Variants in SFSWAP observed in about 807,000 individuals in gnomAD.
SFSWAP encodes splicing factor SWAP, also known as splicing factor, suppressor of white-apricot homolog.
In SFSWAP, 17 loss-of-function variants were observed where a neutral mutation model predicts 100.7. The observed-to-expected ratio is 0.17, with a 90% CI of 0.12 to 0.25. SFSWAP has a LOEUF of 0.25. Among genes scored for constraint, SFSWAP ranks in the 10% least tolerant of loss-of-function variants. SFSWAP has a pLI of 1.00. For missense variants in SFSWAP, 1,005 were observed against 1,262.6 expected, an observed-to-expected ratio of 0.80 and a Z score of 3.09; for synonymous variants, 504 against 510.1, an observed-to-expected ratio of 0.99 and a Z score of 0.16.
intron 14 of SFSWAP, among the ~76,000 whole-genome samples, chr12:131,779,142 A>G (rs1312467613): frequency 4.1e-5 from 6 of 148,070 alleles, no homozygotes; most frequent in South Asian, 2.2e-4. Context: ...TTCGTGTGGC[A>G]CCGGTGAGCG....
At chr12:131,722,609 G>GT (rs1268738488) in intron 4 of SFSWAP, among the ~76,000 whole-genome samples, 1 of 152,164 alleles carries the variant, frequency 6.6e-6, no homozygotes, top group Non-Finnish European at 1.5e-5. Flanking sequence ...GTACCAGACA[G>GT]TGTACTAAGT....
chr12:131,797,154 C>T (rs200290602), intron 15 of SFSWAP, 24 bp from the exon 16 acceptor site: 23 of 1,596,398 alleles, frequency 1.4e-5, no homozygotes, highest in African/African-American at 1.2e-4. Context: ...AGCTGCATCT[C>T]TCACAGAAAC....
intron 16 of SFSWAP, among the ~76,000 whole-genome samples, chr12:131,798,514 A>G (rs1885837648): frequency 6.6e-6 from 1 of 152,172 alleles, no homozygotes; most frequent in African/African-American, 2.4e-5. Flanking sequence ...TTTTATATGA[A>G]AATCTTTTTG....
intron 13 of SFSWAP, among the ~76,000 whole-genome samples, chr12:131,768,722 G>A (rs963673439): frequency 6.6e-6 from 1 of 152,206 alleles, no homozygotes; most frequent in African/African-American, 2.4e-5. Context: ...CAGCCCCCCG[G>A]GACGCCGTCT....
chr12:131,720,664 C>T (rs1359678135), intron 4 of SFSWAP, among the ~76,000 whole-genome samples: 3 of 152,182 alleles, frequency 2.0e-5, no homozygotes, highest in Non-Finnish European at 2.9e-5. Context: ...TGCGATCACT[C>T]GCTGCCACTC....
intron 14 of SFSWAP, among the ~76,000 whole-genome samples, chr12:131,779,251 C>T (rs1337511844): frequency 1.3e-5 from 2 of 149,638 alleles, no homozygotes; most frequent in Admixed American, 6.6e-5. Flanking sequence ...GTGAAGAGGG[C>T]GGCGCGGGTG....
chr12:131,796,968 T>C, intron 15 of SFSWAP: 1 of 500,050 alleles, frequency 2.0e-6, no homozygotes, highest in South Asian at 3.6e-5. Context: ...ACAAATATTT[T>C]ACTTGAGGTC....
chr12:131,782,678 G>C (rs1271097452), intron 14 of SFSWAP, among the ~76,000 whole-genome samples: 1 of 152,174 alleles, frequency 6.6e-6, no homozygotes, highest in Non-Finnish European at 1.5e-5. Context: ...GTTAAGATTA[G>C]AAAGCCTTCT....
intron 3 of SFSWAP, among the ~76,000 whole-genome samples, chr12:131,719,081 G>A (rs1233335380): frequency 6.6e-6 from 1 of 152,112 alleles, no homozygotes; most frequent in Non-Finnish European, 1.5e-5. Flanking sequence ...ATATATGGAG[G>A]GTCAGCTTCT....
chr12:131,787,188 G>T (rs1352874132), intron 15 of SFSWAP, among the ~76,000 whole-genome samples: 3 of 152,186 alleles, frequency 2.0e-5, no homozygotes, highest in Admixed American at 1.3e-4. Flanking sequence ...GTGGTGCCTG[G>T]CAGGGCCTCT....
chr12:131,729,362 T>C (rs1036834409), intron 7 of SFSWAP, among the ~76,000 whole-genome samples: 1 of 151,876 alleles, frequency 6.6e-6, no homozygotes, highest in Non-Finnish European at 1.5e-5. Context: ...AAAAATTAGC[T>C]GGGCATGGTG....
rs965006377 is a variant in SFSWAP at position 131,733,954 on chromosome 12, G to A, written c.1081+5526G>A. 6.6e-6 allele frequency among the ~76,000 whole-genome samples: 1 copy of A among 152,132 alleles called. No homozygotes were observed. Among genetic ancestry groups the A allele is most frequent in the Non-Finnish European group, 1.5e-5 (1 of 68,036 alleles). ...CCAAACACACACATGGGAGCCCTGAGCCCACCCTGGGGCAGGGTGACACAT... is the reference window on the plus strand; with the variant it reads ...CCAAACACACACATGGGAGCCCTGAACCCACCCTGGGGCAGGGTGACACAT... On this transcript the variant is annotated intron_variant, in intron 7 of 17. Transcript: ENST00000261674. This position sits in a 1 kb window ranked among gnomAD's most constrained non-coding sequence, Gnocchi z 5.1.
chr12:131,777,056 C>T (rs1351333775), intron 13 of SFSWAP, among the ~76,000 whole-genome samples: 2 of 152,096 alleles, frequency 1.3e-5, no homozygotes, highest in African/African-American at 2.4e-5. Flanking sequence ...AGAGTAGTGC[C>T]GATACTCATT....
intron 7 of SFSWAP, among the ~76,000 whole-genome samples, chr12:131,747,997 G>A (rs1053038981): frequency 6.6e-6 from 1 of 152,196 alleles, no homozygotes; most frequent in African/African-American, 2.4e-5. Flanking sequence ...CCGAGGAAGA[G>A]CCTGGGGCTG....
intron 11 of SFSWAP, among the ~76,000 whole-genome samples, chr12:131,759,369 G>T (rs1882453055): frequency 6.6e-6 from 1 of 152,102 alleles, no homozygotes; most frequent in African/African-American, 2.4e-5. Flanking sequence ...TCAAGAAATA[G>T]AATGCCTACA....
intron 7 of SFSWAP, among the ~76,000 whole-genome samples, chr12:131,750,624 T>C (rs1881538535): frequency 6.6e-6 from 1 of 152,228 alleles, no homozygotes; most frequent in South Asian, 2.1e-4. Flanking sequence ...GGACCTAGGC[T>C]AGGATGTCCC....
At chr12:131,790,850 A>G (rs1036231868) in intron 15 of SFSWAP, among the ~76,000 whole-genome samples, 1 of 152,226 alleles carries the variant, frequency 6.6e-6, no homozygotes, top group Non-Finnish European at 1.5e-5. Context: ...TAAGCGAAGG[A>G]TGCATAACCT....
In SFSWAP at chr12:131,711,245, G is replaced by A. The variant is rs748814276; in HGVS notation, c.16G>A (p.Gly6Arg). 23 of 1,605,340 alleles carry A rather than the reference G, an allele frequency of 1.4e-5. No homozygotes were observed. The highest frequency in any genetic ancestry group is 1.9e-5 in the Non-Finnish European group (22 of 1,177,568). MYGASGGRAKPERKSG... is the reference protein window; with the variant it reads MYGASRGRAKPERKSG... ...GGACGCTGTCATGTACGGCGCGAGC[G>A]GGGGCCGCGCCAAACCCGAGAGGAA... The change falls in exon 1 of 18, where the codon GGG becomes AGG. Residue 6 changes from glycine to arginine, a missense_variant. By Grantham distance (125) the Gly-to-Arg change is moderately radical (BLOSUM62 -2). Coordinates refer to ENST00000261674, the MANE Select transcript of SFSWAP (RefSeq NM_004592.4). This position sits in a 1 kb window ranked among gnomAD's most constrained non-coding sequence, Gnocchi z 4.9.
chr12:131,735,054 A>G (rs923888534), intron 7 of SFSWAP, among the ~76,000 whole-genome samples: 3 of 152,182 alleles, frequency 2.0e-5, no homozygotes, highest in African/African-American at 7.2e-5. Context: ...CAGCAGAGCA[A>G]TGTGGCCACA....
Sources: allele counts gnomAD v4.1 joint callset (sites outside exome capture counted in the v4.1 genomes callset), GRCh38; gene constraint gnomAD v4.1.1; non-coding constraint Gnocchi (gnomAD v3.1); transcripts MANE v1.5; gene names NCBI Gene and HGNC (gene_info 2026-07-23, HGNC 2026-07-21).